Variants in CNTN5 observed in about 807,000 individuals in gnomAD.
CNTN5 encodes the protein contactin-5.
CNTN5 carries 77 observed loss-of-function variants against 129.1 expected under a neutral mutation model. That is an observed-to-expected ratio of 0.60 (90% CI 0.50 to 0.72). The LOEUF is 0.72. CNTN5 is among the 30% of genes least tolerant of loss of function. The pLI is 0.00. For missense variants in CNTN5, 1,478 were observed against 1,328.8 expected (o/e 1.11, Z -1.75); for synonymous variants, 509 against 465.6 (o/e 1.09, Z -1.20).
intron 3 of CNTN5, among the ~76,000 whole-genome samples, chr11:99,713,443 CAG>C (rs1235168621): frequency 6.6e-6 from 1 of 152,000 alleles, no homozygotes; most frequent in African/African-American, 2.4e-5. Context: ...CATCTGCAAA[CAG>C]AGAGAATTTG....
intron 9 of CNTN5, among the ~76,000 whole-genome samples, chr11:100,048,085 C>G (rs1306893579): frequency 6.6e-6 from 1 of 152,018 alleles, no homozygotes; most frequent in Non-Finnish European, 1.5e-5. Flanking sequence ...GAGTCGAGAT[C>G]GCGCCACTGT....
At chr11:99,620,537 A>G (rs963882227) in intron 3 of CNTN5, among the ~76,000 whole-genome samples, 7 of 133,840 alleles carry the variant, frequency 5.2e-5, no homozygotes, top group African/African-American at 1.9e-4. Context: ...TTGCTCTTTA[A>G]CTACATGAAA....
intron 2 of CNTN5, among the ~76,000 whole-genome samples, chr11:99,514,274 T>C (rs2135419791): frequency 6.6e-6 from 1 of 152,214 alleles, no homozygotes; most frequent in South Asian, 2.1e-4. Flanking sequence ...AAAAGTAATT[T>C]CTTGAGATGG....
rs565385935 is a variant in CNTN5, at chr11:99,820,795, C to A, written c.277+1030C>A. Among the ~76,000 whole-genome samples, 7 of 152,306 alleles carry A rather than the reference C, an allele frequency of 4.6e-5. No homozygotes were observed. In the South Asian group the frequency reaches 1.5e-3, roughly 32 times the overall value. On this transcript the variant is annotated intron_variant, in intron 4 of 24. Coordinates refer to ENST00000524871, the MANE Select transcript of CNTN5 (RefSeq NM_014361.4). ...ATTCACATCAACAATGATTTTAAGACTAGTACACTTAGGCTGCATTTCATT... is the reference window on the plus strand; with the variant it reads ...ATTCACATCAACAATGATTTTAAGAATAGTACACTTAGGCTGCATTTCATT...
chr11:99,170,521 T>C (rs978239825), intron 1 of CNTN5, among the ~76,000 whole-genome samples: 8 of 152,156 alleles, frequency 5.3e-5, no homozygotes, highest in Admixed American at 3.3e-4. Flanking sequence ...TCTAGTTCTG[T>C]TACGCCTATG....
intron 3 of CNTN5, among the ~76,000 whole-genome samples, chr11:99,696,939 A>AAAC (rs552156498): frequency 1.3e-5 from 2 of 151,958 alleles, no homozygotes; most frequent in Non-Finnish European, 2.9e-5. Flanking sequence ...GATTAAAAAC[A>AAAC]AACAACAACA....
At chr11:100,103,399 C>T (rs182214191) in intron 13 of CNTN5, among the ~76,000 whole-genome samples, 7 of 152,184 alleles carry the variant, frequency 4.6e-5, no homozygotes, top group African/African-American at 7.2e-5. Context: ...TGTCTTGGAG[C>T]GCATCATGTA....
chr11:99,946,867 A>T (rs1407354690), intron 7 of CNTN5, among the ~76,000 whole-genome samples: 1 of 151,924 alleles, frequency 6.6e-6, no homozygotes, highest in Non-Finnish European at 1.5e-5. Flanking sequence ...TGCAAAAAAA[A>T]TTGTCTAGTA....
chr11:99,960,020 A>G (rs1950900678), intron 8 of CNTN5, among the ~76,000 whole-genome samples: 1 of 152,174 alleles, frequency 6.6e-6, no homozygotes. Context: ...TCTCCCTGCC[A>G]CTAAATCTCA....
intron 13 of CNTN5, among the ~76,000 whole-genome samples, chr11:100,116,988 T>C (rs893703350): frequency 2.0e-5 from 3 of 152,012 alleles, no homozygotes; most frequent in Non-Finnish European, 2.9e-5. Flanking sequence ...TTCTCTGATT[T>C]CTTTCCAGCC....
intron 15 of CNTN5, among the ~76,000 whole-genome samples, chr11:100,207,940 C>A (rs1219202479): frequency 2.0e-5 from 3 of 152,080 alleles, no homozygotes; most frequent in Non-Finnish European, 4.4e-5. Flanking sequence ...TTGTTGCTAA[C>A]TTTTTTTGGG....
chr11:99,565,716 T>C, intron 3 of CNTN5, among the ~76,000 whole-genome samples: 1 of 152,212 alleles, frequency 6.6e-6, no homozygotes, highest in East Asian at 1.9e-4. Context: ...AAGAAGAGTA[T>C]ATACGATTGT....
At position 99,839,816 on chromosome 11, in the gene CNTN5, A is replaced by G. The variant is rs571878315; in HGVS notation, c.278-5036A>G. Among the ~76,000 whole-genome samples the G allele has an allele frequency of 2.8e-4, 43 of 152,226 alleles. No homozygotes were observed. The South Asian group carries it at 8.9e-3, about 32-fold the overall frequency. ...TAGTAATACAGCAACCAAACTCAAC[A>G]AAGTCAAACAAAAAAGAAGATAAAC... On this transcript the variant is annotated intron_variant, in intron 4 of 24. Coordinates refer to ENST00000524871, the MANE Select transcript of CNTN5 (RefSeq NM_014361.4).
intron 3 of CNTN5, among the ~76,000 whole-genome samples, chr11:99,659,499 A>G (rs114283904): frequency 1.8e-3 from 277 of 152,298 alleles, no homozygotes; most frequent in African/African-American, 6.1e-3. Flanking sequence ...AACAGAACAA[A>G]TTGGGTGTGT....
At chr11:99,053,285 A>G (rs1324660866) in intron 1 of CNTN5, among the ~76,000 whole-genome samples, 2 of 151,912 alleles carry the variant, frequency 1.3e-5, no homozygotes, top group Non-Finnish European at 2.9e-5. Context: ...TTTTTTGCTG[A>G]TAGCCTGAAA....
At chr11:99,983,259 CAG>C (rs1188239339) in intron 8 of CNTN5, among the ~76,000 whole-genome samples, 2 of 152,044 alleles carry the variant, frequency 1.3e-5, no homozygotes, top group Admixed American at 6.6e-5. Flanking sequence ...GTTTATTAAA[CAG>C]AGATAAGGTT....
chr11:99,878,027 C>T lies in CNTN5; in HGVS notation c.577+32765C>T, dbSNP rs182694029. Among the ~76,000 whole-genome samples, 674 of 152,180 alleles carry T rather than the reference C, an allele frequency of 4.4e-3. 3 individuals carry two copies. Among genetic ancestry groups the T allele is most frequent in the African/African-American group, 0.015 (618 of 41,520 alleles). The stretch of plus-strand genomic sequence containing the variant: ...CCTTAATTATTACTTATTAAGACAC[C>T]CCACAAGTTTCACACCAGCTATTTT... On this transcript the variant is annotated intron_variant, in intron 6 of 24. Coordinates refer to ENST00000524871, the MANE Select transcript of CNTN5 (RefSeq NM_014361.4).
At chr11:99,394,031 GA>G (rs1469458289) in intron 2 of CNTN5, among the ~76,000 whole-genome samples, 1 of 151,684 alleles carries the variant, frequency 6.6e-6, no homozygotes, top group Non-Finnish European at 1.5e-5. Context: ...TTAATTAGCT[GA>G]AATTACATTA....
chr11:100,044,418 G>A (rs527322546), intron 9 of CNTN5, among the ~76,000 whole-genome samples: 19 of 151,970 alleles, frequency 1.3e-4, no homozygotes, highest in East Asian at 3.9e-4. Flanking sequence ...AACTGTTTTC[G>A]ATAGAGAATG....
Sources: allele counts gnomAD v4.1 joint callset (sites outside exome capture counted in the v4.1 genomes callset), GRCh38; gene constraint gnomAD v4.1.1; transcripts MANE v1.5; gene names NCBI Gene and HGNC (gene_info 2026-07-23, HGNC 2026-07-21).